STARD13: variants seen among roughly 807,000 people sequenced by gnomAD.
STARD13 encodes the protein stAR-related lipid transfer protein 13.
STARD13 carries 62 observed loss-of-function variants against 106.4 expected under a neutral mutation model. That is an observed-to-expected ratio of 0.58 (90% confidence interval 0.48 to 0.72). STARD13 has a LOEUF of 0.72. STARD13 is among the 30% of genes least tolerant of loss of function. The pLI, the probability that STARD13 is intolerant of heterozygous loss-of-function variation, is 0.00. For synonymous variants in STARD13, 565 were observed against 553.0 expected, an observed-to-expected ratio of 1.02 and a Z score of -0.31; for missense variants, 1,387 against 1,424.0, an observed-to-expected ratio of 0.97 and a Z score of 0.42.
chr13:33,147,540 A>C (rs1291310224), intron 3 of STARD13, among the ~76,000 whole-genome samples: 3 of 152,244 alleles, frequency 2.0e-5, no homozygotes, highest in Non-Finnish European at 1.5e-5. Flanking sequence ...TTCAGTGGAT[A>C]CAACAAGGGA....
At chr13:33,671,830 G>A in the STARD13 span, among the ~76,000 whole-genome samples, 1 of 152,126 alleles carries the variant, frequency 6.6e-6, no homozygotes, top group Admixed American at 6.6e-5. Flanking sequence ...CACAATTATA[G>A]TCACAATTAT....
At chr13:33,481,350 C>CA in the STARD13 span, among the ~76,000 whole-genome samples, 9 of 151,842 alleles carry the variant, frequency 5.9e-5, no homozygotes, top group South Asian at 8.3e-4. Context: ...GCTAACATCA[C>CA]AAAAAAGAAA....
chr13:33,645,855 T>A, the STARD13 span, among the ~76,000 whole-genome samples: 1 of 152,190 alleles, frequency 6.6e-6, no homozygotes, highest in African/African-American at 2.4e-5. Context: ...TTAAGGTGGA[T>A]CTTATTTGCA....
At chr13:33,179,379 G>A (rs1265100646) in intron 1 of STARD13, among the ~76,000 whole-genome samples, 1 of 152,180 alleles carries the variant, frequency 6.6e-6, no homozygotes, top group Non-Finnish European at 1.5e-5. Flanking sequence ...CTACCTCAGA[G>A]GGTTGCCGTA....
At chr13:33,162,543 A>G (rs566727545) in intron 3 of STARD13, among the ~76,000 whole-genome samples, 1 of 152,354 alleles carries the variant, frequency 6.6e-6, no homozygotes, top group East Asian at 1.9e-4. Context: ...TGCCTTTAAC[A>G]GCACCCAAGT....
intron 11 of STARD13, among the ~76,000 whole-genome samples, chr13:33,110,334 A>G (rs1874350192): frequency 6.6e-6 from 1 of 152,222 alleles, no homozygotes; most frequent in African/African-American, 2.4e-5. Flanking sequence ...TGTGCCAGGA[A>G]CTATTCTAAG....
chr13:33,515,144 T>A, the STARD13 span, among the ~76,000 whole-genome samples: 1 of 152,118 alleles, frequency 6.6e-6, no homozygotes, highest in Admixed American at 6.6e-5. Flanking sequence ...AGTTCCTGTA[T>A]CAAAAAAGTG....
At chr13:33,393,446 A>G in the STARD13 span, among the ~76,000 whole-genome samples, 1 of 152,196 alleles carries the variant, frequency 6.6e-6, no homozygotes, top group Admixed American at 6.5e-5. Flanking sequence ...GATAGCTCCA[A>G]TCTTTTGGTA....
At chr13:33,417,481 C>T in the STARD13 span, among the ~76,000 whole-genome samples, 1 of 152,094 alleles carries the variant, frequency 6.6e-6, no homozygotes, top group Non-Finnish European at 1.5e-5. Flanking sequence ...ATGTTCATAG[C>T]GGCATTATTC....
the STARD13 span, among the ~76,000 whole-genome samples, chr13:33,561,380 T>C: frequency 2.0e-5 from 3 of 151,632 alleles, no homozygotes; most frequent in Non-Finnish European, 2.9e-5. Flanking sequence ...TACTTCCAAA[T>C]TGAAGATGTT....
chr13:33,565,085 A>G, the STARD13 span, among the ~76,000 whole-genome samples: 1 of 147,806 alleles, frequency 6.8e-6, no homozygotes, highest in Non-Finnish European at 1.5e-5. Context: ...AATTAGCACA[A>G]AAAGTGAAAT....
At chr13:33,670,299 T>C in the STARD13 span, among the ~76,000 whole-genome samples, 2 of 152,198 alleles carry the variant, frequency 1.3e-5, no homozygotes, top group Non-Finnish European at 2.9e-5. Flanking sequence ...CATGGTATCA[T>C]TGCAGACAAG....
At chr13:33,528,244 A>ATATATATATACATATATATGTATATG in the STARD13 span, among the ~76,000 whole-genome samples, 1 of 121,830 alleles carries the variant, frequency 8.2e-6, no homozygotes, top group African/African-American at 4.5e-5. Context: ...ATATATATAC[A>ATATATATATACATATATATGTATATG]TATATATATA....
chr13:33,190,953 C>A (rs979174997), intron 1 of STARD13, among the ~76,000 whole-genome samples: 1 of 152,050 alleles, frequency 6.6e-6, no homozygotes, highest in South Asian at 2.1e-4. Context: ...TCAAAAAAAA[C>A]CCAAAATATC....
intron 1 of STARD13, among the ~76,000 whole-genome samples, chr13:33,206,656 G>A (rs182237170): frequency 3.3e-5 from 5 of 152,206 alleles, no homozygotes; most frequent in Admixed American, 3.3e-4. Context: ...ATGAGAGGCA[G>A]TTGCTTCTCT....
the STARD13 span, among the ~76,000 whole-genome samples, chr13:33,647,155 C>A: frequency 6.6e-6 from 1 of 152,110 alleles, no homozygotes; most frequent in Admixed American, 6.6e-5. Flanking sequence ...TTTAAAAGGG[C>A]CCTGCCTGTA....
chr13:33,357,411 C>T, the STARD13 span, among the ~76,000 whole-genome samples: 1 of 152,224 alleles, frequency 6.6e-6, no homozygotes, highest in African/African-American at 2.4e-5. Flanking sequence ...TACTAACTCC[C>T]ACCTTGTTAA....
chr13:33,331,938 A>T (rs4497532), intron 1 of STARD13, among the ~76,000 whole-genome samples: 113,393 of 152,070 alleles, frequency 0.75, 42,912 homozygotes, highest in East Asian at 0.97. Context: ...TATAATTGAG[A>T]CATTAACTAA....
chr13:33,120,613 A>C (rs982503391), intron 7 of STARD13, among the ~76,000 whole-genome samples: 3 of 152,196 alleles, frequency 2.0e-5, no homozygotes, highest in African/African-American at 7.2e-5. Flanking sequence ...GAAGTACAGC[A>C]GGAAAATTTT....
Sources: allele counts gnomAD v4.1 joint callset (sites outside exome capture counted in the v4.1 genomes callset), GRCh38; gene constraint gnomAD v4.1.1; transcripts MANE v1.5; gene names NCBI Gene and HGNC (gene_info 2026-07-23, HGNC 2026-07-21).